Variants in GLG1 observed in about 807,000 individuals in gnomAD.
GLG1 encodes golgi glycoprotein 1.
GLG1 carries 38 observed loss-of-function variants against 160.5 expected under a neutral mutation model. The observed-to-expected ratio is 0.24, with a 90% CI of 0.18 to 0.31. GLG1 has a LOEUF of 0.31. Among genes scored for constraint, GLG1 ranks in the 10% least tolerant of loss-of-function variants. The probability of loss-of-function intolerance (pLI) is 1.00; values close to 1 mark genes in which losing one functional copy is unlikely to be tolerated. For missense variants in GLG1, 1,373 were observed against 1,505.2 expected, an observed-to-expected ratio of 0.91 and a Z score of 1.45; for synonymous variants, 644 against 543.4, an observed-to-expected ratio of 1.19 and a Z score of -2.57.
chr16:74,536,646 G>C (rs1406130372), intron 1 of GLG1, among the ~76,000 whole-genome samples: 1 of 152,138 alleles, frequency 6.6e-6, no homozygotes, highest in African/African-American at 2.4e-5. Context: ...TGGGGGTCAG[G>C]AAGAAAATAA....
chr16:74,469,435 T>C, intron 16 of GLG1: 1 of 218,214 alleles, frequency 4.6e-6, no homozygotes, highest in Non-Finnish European at 9.2e-6. Flanking sequence ...TAGAGAAACC[T>C]GAGCAAATTG....
intron 4 of GLG1, among the ~76,000 whole-genome samples, chr16:74,498,467 T>TATATATATATATATATA (rs1555510304): frequency 1.8e-5 from 1 of 55,882 alleles, no homozygotes; most frequent in Non-Finnish European, 3.6e-5. Flanking sequence ...TATATATATA[T>TATATATATATATATATA]TATATTTTAT....
chr16:74,537,073 A>G (rs2017706797), intron 1 of GLG1, among the ~76,000 whole-genome samples: 1 of 152,264 alleles, frequency 6.6e-6, no homozygotes, highest in African/African-American at 2.4e-5. Context: ...TGAAAAGTAT[A>G]ATAAATAGCT....
Position 74,491,122 on chromosome 16 carries a change from C to T in GLG1, c.1328G>A (p.Ser443Asn), listed in dbSNP as rs766586113. Residue 443 changes from serine (S) to asparagine (N), a missense_variant, in exon 8 of 26, where the codon AGC (serine) becomes AAC (asparagine). By Grantham distance (46) the Ser-to-Asn change is conservative. Transcript: ENST00000422840. Reference sequence around the variant, plus strand: ...ATGGTGTTCAATCTCCCCCCGACAGCTTAGGATGATCTCAGGGCTCAGAGA... The same window carrying T: ...ATGGTGTTCAATCTCCCCCCGACAGTTTAGGATGATCTCAGGGCTCAGAGA... ...DFSLSPEIIL[S>N]CRGEIEHHCS... 1.7e-5 allele frequency: 28 copies of T among 1,613,986 alleles called. No individual in the cohort carries two copies. The highest frequency in any genetic ancestry group is 5.5e-5 in the South Asian group (5 of 91,090).
chr16:74,475,745 TC>T lies in GLG1; in HGVS notation c.1966-1114del, dbSNP rs774350688. 5.3e-5 allele frequency among the ~76,000 whole-genome samples: 8 copies of T among 152,310 alleles called. No homozygotes were observed. In the South Asian group the frequency reaches 1.0e-3, roughly 20 times the overall value. Reference sequence around the variant, plus strand: ...ACTATTCTGCAAGAATCTCTCTGTTTCAGAATTAGAATGTGAGGGGAAGAGA... The same window carrying T: ...ACTATTCTGCAAGAATCTCTCTGTTTAGAATTAGAATGTGAGGGGAAGAGA... On this transcript the variant is annotated intron_variant, in intron 12 of 25. Transcript: ENST00000422840.
chr16:74,484,780 A>T (rs2015733532), intron 9 of GLG1, among the ~76,000 whole-genome samples: 1 of 152,012 alleles, frequency 6.6e-6, no homozygotes, highest in Non-Finnish European at 1.5e-5. Context: ...TAAAAATAAA[A>T]ATAAATTGTA....
intron 1 of GLG1, among the ~76,000 whole-genome samples, chr16:74,547,884 T>C (rs940547779): frequency 3.3e-5 from 5 of 152,366 alleles, no homozygotes; most frequent in South Asian, 2.1e-4. Context: ...TGATGATGGC[T>C]TAAAACAGTA....
intron 12 of GLG1, among the ~76,000 whole-genome samples, chr16:74,477,087 T>C (rs778172573): frequency 3.3e-5 from 5 of 152,216 alleles, no homozygotes; most frequent in Non-Finnish European, 5.9e-5. Context: ...TGAAATCTTA[T>C]ATACCTGTAA....
chr16:74,503,398 C>A, intron 4 of GLG1, 133 bp downstream of exon 4: 2 of 671,390 alleles, frequency 3.0e-6, no homozygotes, highest in Non-Finnish European at 5.3e-6. Flanking sequence ...GCTCTTAGGG[C>A]TGTCTGGACA....
chr16:74,575,949 C>G (rs1465634138), intron 1 of GLG1, among the ~76,000 whole-genome samples: 2 of 152,026 alleles, frequency 1.3e-5, no homozygotes, highest in Non-Finnish European at 2.9e-5. Context: ...GCCAGTAATC[C>G]CAGCACTTTG....
intron 19 of GLG1, among the ~76,000 whole-genome samples, chr16:74,465,070 C>A (rs1407707926): frequency 1.3e-5 from 2 of 152,132 alleles, no homozygotes; most frequent in African/African-American, 2.4e-5. Context: ...AACTCCTGAC[C>A]TCAGGTGATC....
chr16:74,474,848 G>A (rs2015340780), intron 12 of GLG1, among the ~76,000 whole-genome samples: 1 of 152,084 alleles, frequency 6.6e-6, no homozygotes, highest in South Asian at 2.1e-4. Flanking sequence ...GGTTATGAGG[G>A]CCAAGTGGGC....
chr16:74,576,448 A>G (rs1183980387), intron 1 of GLG1, among the ~76,000 whole-genome samples: 1 of 152,222 alleles, frequency 6.6e-6, no homozygotes, highest in Non-Finnish European at 1.5e-5. Flanking sequence ...GACACGTGTC[A>G]GCAAATTTTT....
intron 9 of GLG1, among the ~76,000 whole-genome samples, chr16:74,484,911 C>A (rs1363579266): frequency 6.6e-6 from 1 of 152,046 alleles, no homozygotes; most frequent in Non-Finnish European, 1.5e-5. Context: ...AGCCACCACG[C>A]CTGGCTTGGT....
intron 1 of GLG1, among the ~76,000 whole-genome samples, chr16:74,599,203 C>T (rs1413865973): frequency 6.7e-6 from 1 of 149,738 alleles, no homozygotes; most frequent in East Asian, 2.1e-4. Flanking sequence ...TAAAAACATC[C>T]CATTTCTGGA....
intron 1 of GLG1, among the ~76,000 whole-genome samples, chr16:74,540,835 G>A (rs1057050129): frequency 3.3e-5 from 5 of 152,160 alleles, no homozygotes; most frequent in African/African-American, 9.7e-5. Flanking sequence ...TCCTAGCCAC[G>A]GCAGGCACAC....
chr16:74,599,788 C>T (rs563723896), intron 1 of GLG1, among the ~76,000 whole-genome samples: 3 of 151,610 alleles, frequency 2.0e-5, no homozygotes, highest in South Asian at 2.1e-4. Flanking sequence ...GGCGTGAACC[C>T]GGGAGGTAGA....
intron 23 of GLG1, chr16:74,458,221 G>T (rs982043382): frequency 9.3e-6 from 4 of 431,580 alleles, no homozygotes; most frequent in Non-Finnish European, 1.7e-5. Flanking sequence ...AAAAAGCAGG[G>T]GACTGTAAGT....
chr16:74,492,758 G>A (rs979350650), intron 7 of GLG1, among the ~76,000 whole-genome samples, 199 bp downstream of exon 7: 79 of 151,682 alleles, frequency 5.2e-4, no homozygotes, highest in African/African-American at 1.8e-3. Flanking sequence ...GGCGGAGCTT[G>A]CAGTGAGCCG....
Sources: gnomAD v4.1 joint callset for allele counts (sites outside exome capture counted in the v4.1 genomes callset) on GRCh38, gnomAD v4.1.1 for gene constraint, MANE v1.5 for transcripts, NCBI Gene and HGNC (gene_info 2026-07-23, HGNC 2026-07-21) for gene names.